RGPD3: variants seen among roughly 807,000 people sequenced by gnomAD.
RGPD3 encodes ranBP2-like and GRIP domain-containing protein 3.
A neutral mutation model predicts 154.5 loss-of-function variants in RGPD3; 62 were observed. That is an observed-to-expected ratio of 0.40 (90% confidence interval 0.33 to 0.50). The LOEUF (loss-of-function observed/expected upper bound fraction) is 0.50, where lower values mean the gene tolerates loss of function less well. Ranked by LOEUF, RGPD3 falls within the 20% of genes least tolerant of loss-of-function variation. RGPD3 has a pLI of 0.59. For synonymous variants in RGPD3, 308 were observed against 607.0 expected, an observed-to-expected ratio of 0.51 and a Z score of 7.24; for missense variants, 919 against 1,716.8, an observed-to-expected ratio of 0.54 and a Z score of 8.21.
intron 6 of RGPD3, among the ~76,000 whole-genome samples, chr2:106,448,848 G>A (rs1220392521): frequency 7.9e-5 from 12 of 150,972 alleles, no homozygotes; most frequent in East Asian, 5.9e-4. Context: ...GTACCAACAT[G>A]CCCAGCTAAT....
chr2:106,467,145 C>T (rs1232326921), intron 1 of RGPD3, among the ~76,000 whole-genome samples: 1 of 46,314 alleles, frequency 2.2e-5, no homozygotes, highest in Non-Finnish European at 4.5e-5. Flanking sequence ...GGAGCAGCGC[C>T]CGTCGGGAGC....
intron 20 of RGPD3, among the ~76,000 whole-genome samples, chr2:106,422,150 A>G (rs1573250131): frequency 6.6e-6 from 1 of 151,806 alleles, no homozygotes; most frequent in East Asian, 1.9e-4. Flanking sequence ...CTAAAATTAA[A>G]TCCTAGAAAA....
chr2:106,466,264 C>G (rs972189330), intron 1 of RGPD3, among the ~76,000 whole-genome samples: 34 of 151,994 alleles, frequency 2.2e-4, no homozygotes, highest in Non-Finnish European at 3.7e-4. Flanking sequence ...GCAAGCGCCG[C>G]GCCGCCCACA....
intron 7 of RGPD3, among the ~76,000 whole-genome samples, chr2:106,441,863 CAAAAAAAAAAA>C (rs1166971652): frequency 7.3e-5 from 1 of 13,636 alleles, no homozygotes; most frequent in Non-Finnish European, 1.2e-4. Context: ...GACTCCATCG[CAAAAAAAAAAA>C]AAAAAAAAAA....
intron 8 of RGPD3, among the ~76,000 whole-genome samples, chr2:106,440,831 G>GA (rs1190363973): frequency 2.2e-5 from 2 of 90,116 alleles, no homozygotes; most frequent in African/African-American, 4.4e-5. Flanking sequence ...AAAAATGGGG[G>GA]AAAAAATCCA....
intron 8 of RGPD3, among the ~76,000 whole-genome samples, chr2:106,439,819 T>C (rs1295978444): frequency 9.6e-6 from 1 of 103,824 alleles, no homozygotes; most frequent in African/African-American, 3.5e-5. Context: ...TGAGCCGAGA[T>C]CACGCCACTG....
intron 21 of RGPD3, among the ~76,000 whole-genome samples, 197 bp downstream of exon 21, chr2:106,415,653 C>T (rs567517783): frequency 2.0e-5 from 2 of 99,226 alleles, no homozygotes; most frequent in African/African-American, 8.3e-5. Context: ...CTCCAGCCTG[C>T]GTGACAAAGC....
At chr2:106,440,924 ATCT>A (rs1677721100) in intron 8 of RGPD3, among the ~76,000 whole-genome samples, 1 of 113,194 alleles carries the variant, frequency 8.8e-6, no homozygotes, top group African/African-American at 3.3e-5. Context: ...ACAGATGCGT[ATCT>A]TCTTCATCTT....
At position 106,425,161 on chromosome 2, in the gene RGPD3, T is replaced by C. The variant is rs753944630; in HGVS notation, c.2806A>G (p.Lys936Glu). The change falls in exon 20 of 23, where the codon AAA becomes GAA. Residue 936 changes from lysine (K) to glutamate (E), a missense_variant. Lys to Glu is a moderately conservative substitution (Grantham distance 56). Coordinates refer to ENST00000409886, the MANE Select transcript of RGPD3 (RefSeq NM_001144013.2). The part of the protein sequence containing the change: ...GISEPGNQEK[K>E]SEKPLENDTG... ...TCATTTTCAAGAGGCTTTTCACTTT[T>C]CTTTTCTTGATTTCCTGGTTCCGAA... The C allele has an allele frequency of 1.1e-5, 18 of 1,611,838 alleles. No homozygotes were observed. The highest frequency in any genetic ancestry group is 2.2e-5 in the East Asian group (1 of 44,890).
upstream of RGPD3, among the ~76,000 whole-genome samples, chr2:106,468,721 G>T (rs887211647): frequency 1.4e-5 from 2 of 141,014 alleles, no homozygotes; most frequent in African/African-American, 5.2e-5. Context: ...CAGGAGAATC[G>T]CTTGAACCCA....
intron 8 of RGPD3, among the ~76,000 whole-genome samples, chr2:106,439,880 A>T (rs1003531550): frequency 1.4e-5 from 2 of 142,802 alleles, no homozygotes; most frequent in South Asian, 4.5e-4. Context: ...AAAAAAAAAA[A>T]AGAATTATTT....
rs1459852160 is a variant in RGPD3, at chr2:106,468,038, AC to A, written c.72+178del. 1.7e-4 allele frequency among the ~76,000 whole-genome samples: 24 copies of A among 141,454 alleles called. 1 individual carries two copies. In the East Asian group the frequency reaches 5.0e-3, roughly 29 times the overall value. 92.8% of individuals were successfully genotyped at this position (141,454 alleles called of 152,430 possible). A position where few individuals can be genotyped will look rare whatever the true frequency, so the allele number is the denominator to read the frequency against. ...GGAGCAGCGCCGGTCGGGAGCCATGACGCCTGAGCCATCGAGGCCGCCGCAG... is the reference window on the plus strand; with the variant it reads ...GGAGCAGCGCCGGTCGGGAGCCATGAGCCTGAGCCATCGAGGCCGCCGCAG... On this transcript the variant is annotated intron_variant, in intron 1 of 22. Transcript: ENST00000409886.
intron 18 of RGPD3, among the ~76,000 whole-genome samples, chr2:106,426,952 A>G (rs1677217538): frequency 6.6e-6 from 1 of 151,530 alleles, no homozygotes; most frequent in Non-Finnish European, 1.5e-5. Context: ...TGAAATTACT[A>G]TGGGGAGGAA....
intron 9 of RGPD3, among the ~76,000 whole-genome samples, chr2:106,438,313 T>C (rs1677636817): frequency 1.3e-5 from 2 of 151,334 alleles, no homozygotes; most frequent in African/African-American, 4.8e-5. Context: ...AGGGAGACCC[T>C]GTCTCTACCA....
At chr2:106,407,675 GCAAA>G (rs1158425474) in intron 22 of RGPD3, among the ~76,000 whole-genome samples, 2 of 152,268 alleles carry the variant, frequency 1.3e-5, no homozygotes, top group Admixed American at 6.5e-5. Context: ...CTGCCCTTGT[GCAAA>G]CAATGTTCCT....
chr2:106,414,458 G>C (rs1331578114), intron 21 of RGPD3, among the ~76,000 whole-genome samples: 2 of 151,330 alleles, frequency 1.3e-5, no homozygotes, highest in African/African-American at 4.9e-5. Flanking sequence ...CATGCCTCTA[G>C]TAAAATAAAA....
Position 106,459,343 on chromosome 2 carries a change from T to C in RGPD3, c.73-11A>G, listed in dbSNP as rs748411930. On this transcript the variant is annotated splice_polypyrimidine_tract_variant and intron_variant, in intron 1 of 22. Transcript: ENST00000409886. ...TCCTCTCGTTGACTTCTAAAAAAAATTAAAAGTTGTTTTACGTTTCATACA... is the reference window on the plus strand; with the variant it reads ...TCCTCTCGTTGACTTCTAAAAAAAACTAAAAGTTGTTTTACGTTTCATACA... 1.9e-5 allele frequency: 30 copies of C among 1,542,248 alleles called. No homozygotes were observed. The African/African-American group carries it at 3.4e-4, about 18-fold the overall frequency.
chr2:106,465,560 C>CTTTT (rs761873994), intron 1 of RGPD3, among the ~76,000 whole-genome samples: 1 of 136,746 alleles, frequency 7.3e-6, no homozygotes, highest in Non-Finnish European at 1.6e-5. Flanking sequence ...TCTAAGCTTG[C>CTTTT]TTTTTTTTTT....
intron 20 of RGPD3, among the ~76,000 whole-genome samples, chr2:106,422,841 T>C (rs1204829495): frequency 2.0e-5 from 3 of 152,056 alleles, no homozygotes; most frequent in Admixed American, 2.0e-4. Context: ...TTCCAGTTAC[T>C]GAAATGTCTT....
Sources: gnomAD v4.1 joint callset for allele counts (sites outside exome capture counted in the v4.1 genomes callset) on GRCh38, gnomAD v4.1.1 for gene constraint, MANE v1.5 for transcripts, NCBI Gene and HGNC (gene_info 2026-07-23, HGNC 2026-07-21) for gene names.